GABRG3: variants seen among roughly 807,000 people sequenced by gnomAD.
GABRG3 encodes the protein gamma-aminobutyric acid receptor subunit gamma-3.
A neutral mutation model predicts 48.8 loss-of-function variants in GABRG3; 25 were observed. The ratio of observed to expected loss-of-function variants is 0.51; its 90% confidence interval spans 0.37 to 0.72. The LOEUF (loss-of-function observed/expected upper bound fraction) is 0.72. Ranked by LOEUF, GABRG3 falls within the 30% of genes least tolerant of loss-of-function variation. The pLI, the probability that GABRG3 is intolerant of heterozygous loss-of-function variation, is 0.00. For synonymous variants in GABRG3, 227 were observed against 217.6 expected, an observed-to-expected ratio of 1.04 and a Z score of -0.38; for missense variants, 394 against 577.9, an observed-to-expected ratio of 0.68 and a Z score of 3.26.
intron 3 of GABRG3, among the ~76,000 whole-genome samples, chr15:27,130,476 A>G (rs1394041148): frequency 6.6e-6 from 1 of 152,112 alleles, no homozygotes; most frequent in African/African-American, 2.4e-5. Flanking sequence ...ATCAGAAACT[A>G]TGAGACCCCC....
At chr15:27,004,632 C>T (rs139821857) in intron 2 of GABRG3, among the ~76,000 whole-genome samples, 3 of 152,130 alleles carry the variant, frequency 2.0e-5, no homozygotes, top group African/African-American at 4.8e-5. Context: ...GCCGAGATCA[C>T]GCCACTGCAC....
intron 3 of GABRG3, among the ~76,000 whole-genome samples, chr15:27,324,302 A>G (rs1256013808): frequency 6.6e-6 from 1 of 152,104 alleles, no homozygotes; most frequent in East Asian, 1.9e-4. Flanking sequence ...AAGAAGACCT[A>G]TCTGATCTCC....
chr15:27,465,496 G>T (rs1447710707), intron 5 of GABRG3, among the ~76,000 whole-genome samples: 1 of 152,156 alleles, frequency 6.6e-6, no homozygotes, highest in Non-Finnish European at 1.5e-5. Flanking sequence ...TTTAAAAGAT[G>T]AGTCAGTGGC....
chr15:27,409,293 G>A (rs1471498395), intron 5 of GABRG3, among the ~76,000 whole-genome samples: 1 of 152,000 alleles, frequency 6.6e-6, no homozygotes. Context: ...ATAGATTAAG[G>A]TTTGGTGCGG....
intron 2 of GABRG3, among the ~76,000 whole-genome samples, chr15:27,012,781 T>A (rs1297164345): frequency 6.6e-6 from 1 of 152,194 alleles, no homozygotes; most frequent in Non-Finnish European, 1.5e-5. Context: ...GCACTGTGAT[T>A]TAAATGCTAA....
intron 3 of GABRG3, among the ~76,000 whole-genome samples, chr15:27,177,761 G>A (rs1887792328): frequency 6.6e-6 from 1 of 152,202 alleles, no homozygotes; most frequent in South Asian, 2.1e-4. Flanking sequence ...GAAAACCAGA[G>A]CTGGGCAGTG....
intron 3 of GABRG3, among the ~76,000 whole-genome samples, chr15:27,135,027 A>G (rs1731070263): frequency 6.6e-6 from 1 of 152,208 alleles, no homozygotes; most frequent in African/African-American, 2.4e-5. Flanking sequence ...ACCTTGAATG[A>G]TAATATGGGA....
At chr15:27,526,034 ATAGCGTTTTTACAT>A (rs2150864340) in intron 7 of GABRG3, among the ~76,000 whole-genome samples, 1 of 152,316 alleles carries the variant, frequency 6.6e-6, no homozygotes, top group East Asian at 1.9e-4. Context: ...TCCAGTTTAC[ATAGCGTTTTTACAT>A]GAAATTTTAC....
chr15:27,133,040 C>A (rs576278950), intron 3 of GABRG3, among the ~76,000 whole-genome samples: 1 of 151,720 alleles, frequency 6.6e-6, no homozygotes, highest in Non-Finnish European at 1.5e-5. Flanking sequence ...ATTTCTCTTA[C>A]GATATTGTTT....
At chr15:26,991,425 T>A (rs1414927724) in intron 2 of GABRG3, among the ~76,000 whole-genome samples, 1 of 152,178 alleles carries the variant, frequency 6.6e-6, no homozygotes, top group Non-Finnish European at 1.5e-5. Flanking sequence ...TCCATATACA[T>A]TTTAGGATAG....
intron 3 of GABRG3, among the ~76,000 whole-genome samples, chr15:27,323,938 C>T (rs796433960): frequency 6.6e-6 from 1 of 152,170 alleles, no homozygotes; most frequent in African/African-American, 2.4e-5. Context: ...TCTTCCAGGG[C>T]CCTCCGAGGA....
chr15:27,065,772 C>G (rs1407168401), intron 3 of GABRG3, among the ~76,000 whole-genome samples: 1 of 152,228 alleles, frequency 6.6e-6, no homozygotes, highest in Admixed American at 6.5e-5. Flanking sequence ...GGACACAGCA[C>G]TTTACTTGCT....
intron 3 of GABRG3, among the ~76,000 whole-genome samples, chr15:27,106,440 A>G (rs1897450903): frequency 6.6e-6 from 1 of 152,008 alleles, no homozygotes; most frequent in African/African-American, 2.4e-5. Context: ...TCCTGCAGGA[A>G]AGAAAGGAAA....
intron 2 of GABRG3, among the ~76,000 whole-genome samples, chr15:27,003,857 A>C (rs1258387395): frequency 5.4e-5 from 6 of 111,676 alleles, no homozygotes; most frequent in Admixed American, 8.8e-5. Flanking sequence ...GGGGGGGCTG[A>C]CCCCCCCACC....
In GABRG3 at chr15:27,130,417, A is replaced by G. The variant is rs189243944; in HGVS notation, c.270+103596A>G. Among the ~76,000 whole-genome samples the G allele has an allele frequency of 2.1e-3, 314 of 152,170 alleles. 1 individual carries two copies. Among genetic ancestry groups the G allele is most frequent in the African/African-American group, 6.9e-3 (288 of 41,550 alleles). The stretch of plus-strand genomic sequence containing the variant: ...CACTGGTCTAGATATCTGTCTTTAT[A>G]TAATTACCATACTTTTTTGATTACT... On this transcript the variant is annotated intron_variant, in intron 3 of 9. Coordinates refer to ENST00000615808, the MANE Select transcript of GABRG3 (RefSeq NM_033223.5).
At position 26,971,523 on chromosome 15, in the gene GABRG3, GCTCCAC is replaced by G; in HGVS notation, c.-12_-7del. ...CGAGGCCCCGGACCCTGCGCCCCGA[GCTCCAC>G]GGCACCATGGCCCCGAAGCTGCTGC... On this transcript the variant is annotated 5_prime_UTR_variant, in exon 1 of 10. Coordinates refer to ENST00000615808, the MANE Select transcript of GABRG3 (RefSeq NM_033223.5). The G allele has an allele frequency of 6.6e-7, 1 of 1,514,506 alleles. No homozygotes were observed. Among genetic ancestry groups the G allele is most frequent in the Non-Finnish European group, 8.8e-7 (1 of 1,131,460 alleles). 93.8% of individuals were successfully genotyped at this position (1,514,506 alleles called of 1,614,324 possible). A position where few individuals can be genotyped will look rare whatever the true frequency, so the allele number is the denominator to read the frequency against.
intron 5 of GABRG3, among the ~76,000 whole-genome samples, chr15:27,333,191 C>T (rs933601229): frequency 6.6e-6 from 1 of 152,164 alleles, no homozygotes; most frequent in Admixed American, 6.5e-5. Context: ...TTGCAAACAG[C>T]ATTGGTTGTT....
chr15:27,291,528 C>T (rs192741127), intron 3 of GABRG3, among the ~76,000 whole-genome samples: 37 of 152,298 alleles, frequency 2.4e-4, no homozygotes, highest in East Asian at 1.5e-3. Context: ...AAAGTGGCAG[C>T]AGATGTGCTT....
intron 3 of GABRG3, among the ~76,000 whole-genome samples, chr15:27,264,354 A>G (rs1371190130): frequency 6.6e-6 from 1 of 152,210 alleles, no homozygotes; most frequent in Non-Finnish European, 1.5e-5. Context: ...CCACTGCCTT[A>G]TTAAAAATCA....
Sources: allele counts gnomAD v4.1 joint callset (sites outside exome capture counted in the v4.1 genomes callset), GRCh38; gene constraint gnomAD v4.1.1; transcripts MANE v1.5; gene names NCBI Gene and HGNC (gene_info 2026-07-23, HGNC 2026-07-21).